The following OSBPL9 variants were observed in gnomAD, a reference collection of about 807,000 sequenced individuals.
The protein encoded by OSBPL9 is oxysterol binding protein like 9, also known as oxysterol-binding protein-related protein 9.
OSBPL9 carries 40 observed loss-of-function variants against 106.6 expected under a neutral mutation model. The observed-to-expected ratio is 0.38, with a 90% confidence interval of 0.29 to 0.49. The LOEUF (loss-of-function observed/expected upper bound fraction) is 0.49. OSBPL9 is among the 20% of genes least tolerant of loss of function. The pLI, the probability that OSBPL9 is intolerant of heterozygous loss-of-function variation, is 0.97. For missense variants in OSBPL9, 609 were observed against 887.2 expected, an observed-to-expected ratio of 0.69 and a Z score of 3.98; for synonymous variants, 269 against 295.4, an observed-to-expected ratio of 0.91 and a Z score of 0.92.
In OSBPL9 at chr1:51,731,159, A is replaced by G. The variant is rs371807242; in HGVS notation, c.319-14377A>G. Among the ~76,000 whole-genome samples the G allele has an allele frequency of 3.3e-5, 5 of 152,048 alleles. No homozygotes were observed. The East Asian group carries it at 5.8e-4, about 18-fold the overall frequency. ...TATGATTAAAAGTCAGATTTGGGCC[A>G]GTCGTGGTGGCTCAGACTGCAATCC... On this transcript the variant is annotated intron_variant, in intron 4 of 23. Transcript: ENST00000428468.
chr1:51,597,439 G>A (rs1019787466), intron 1 of OSBPL9, among the ~76,000 whole-genome samples: 20 of 150,338 alleles, frequency 1.3e-4, no homozygotes, highest in East Asian at 3.9e-4. Context: ...GTGTGTGTGT[G>A]TGTGTGTGTG....
rs1172231834 is a variant in OSBPL9, at chr1:51,583,844, A to G, written c.-423+6588A>G. On this transcript the variant is annotated intron_variant, in intron 1 of 25. Coordinates refer to the OSBPL9 transcript ENST00000371714. ...AAGTCTGAGTGTTGACAGAATTAAC[A>G]TTCACACACACACACACAAGCACAC... The G allele has an allele frequency of 2.0e-5, 3 of 152,118 alleles. No homozygotes were observed. In the East Asian group the frequency reaches 5.8e-4, roughly 29 times the overall value. The allele number at this position is 152,118 out of a possible 1,614,324, so 9.4% of individuals were successfully genotyped here.
In OSBPL9 at chr1:51,652,160, T is replaced by G. The variant is rs537303095; in HGVS notation, c.162+119T>G. On this transcript the variant is annotated intron_variant, in intron 2 of 23. Transcript: ENST00000428468. ...TTACATAATTGTTGGGGCAGGTATC[T>G]AAGTCTCAGAGAGAAAATGTGATTT... The G allele has an allele frequency of 2.5e-5, 17 of 691,264 alleles. No individual in the cohort carries two copies. In the South Asian group the frequency reaches 3.0e-4, roughly 12 times the overall value. 42.8% of individuals were successfully genotyped at this position (691,264 alleles called of 1,614,324 possible). A position where few individuals can be genotyped will look rare whatever the true frequency, so the allele number is the denominator to read the frequency against.
intron 3 of OSBPL9, among the ~76,000 whole-genome samples, chr1:51,678,668 A>C (rs893035108): frequency 8.5e-5 from 13 of 152,210 alleles, no homozygotes; most frequent in African/African-American, 3.1e-4. Context: ...CTCCAAAAAT[A>C]AATAAATAAA....
At chr1:51,557,710 C>T in the OSBPL9 span, among the ~76,000 whole-genome samples, 2 of 152,186 alleles carry the variant, frequency 1.3e-5, no homozygotes, top group African/African-American at 2.4e-5. Flanking sequence ...CAAGTCTCCT[C>T]GCTGAGTCCT....
intron 8 of OSBPL9, among the ~76,000 whole-genome samples, chr1:51,755,603 C>G (rs1468121627): frequency 6.6e-6 from 1 of 152,224 alleles, no homozygotes; most frequent in African/African-American, 2.4e-5. Context: ...CACGCGATCA[C>G]AAGGGTAGCC....
chr1:51,586,311 T>TA (rs1467959430), intron 1 of OSBPL9, among the ~76,000 whole-genome samples: 1 of 152,166 alleles, frequency 6.6e-6, no homozygotes, highest in East Asian at 1.9e-4. Flanking sequence ...ATTCTTTTTT[T>TA]ATGCACAAAT....
At chr1:51,588,889 A>G (rs1350062802) in intron 1 of OSBPL9, among the ~76,000 whole-genome samples, 1 of 152,160 alleles carries the variant, frequency 6.6e-6, no homozygotes, top group East Asian at 1.9e-4. Context: ...CTAGTTTCTG[A>G]AGCTATAGCA....
At position 51,621,007 on chromosome 1, in the gene OSBPL9, C is replaced by T. The variant is rs1644392957; in HGVS notation, c.111+3786C>T. Among the ~76,000 whole-genome samples the T allele has an allele frequency of 2.6e-5, 4 of 152,118 alleles. No homozygotes were observed. The South Asian group carries it at 6.2e-4, about 24-fold the overall frequency. ...CCTCCCAGAATGTTAGGATTACAGG[C>T]GTGAGCCCCTGTGCCCAGCCTATTA... is the stretch of plus-strand genomic sequence containing the variant. On this transcript the variant is annotated intron_variant, in intron 1 of 23. Coordinates refer to ENST00000428468, the MANE Select transcript of OSBPL9 (RefSeq NM_024586.6).
At chr1:51,724,104 G>A (rs369659796) in intron 4 of OSBPL9, among the ~76,000 whole-genome samples, 49 of 151,902 alleles carry the variant, frequency 3.2e-4, no homozygotes, top group Admixed American at 5.9e-4. Flanking sequence ...GCGCCACCAC[G>A]CCTGCTAATT....
At position 51,784,471 on chromosome 1, in the gene OSBPL9, TAGG is replaced by T. The variant is rs767344301; in HGVS notation, c.1724_1726del (p.Gly575del). 1 of 1,614,106 alleles carries T rather than the reference TAGG, an allele frequency of 6.2e-7. No individual in the cohort carries two copies. Among genetic ancestry groups the T allele is most frequent in the Non-Finnish European group, 8.5e-7 (1 of 1,179,956 alleles). On this transcript the variant is annotated inframe_deletion, in exon 20 of 24. Transcript: ENST00000428468. ...ATCCTCACAGTGCCCTGGGTGGAATTAGGAGGAGAATGCAATATTAATTGTTCC... is the reference window on the plus strand; with the variant it reads ...ATCCTCACAGTGCCCTGGGTGGAATTAGGAGAATGCAATATTAATTGTTCC...
At chr1:51,698,878 A>G (rs1426744442) in intron 3 of OSBPL9, among the ~76,000 whole-genome samples, 2 of 152,174 alleles carry the variant, frequency 1.3e-5, no homozygotes, top group African/African-American at 2.4e-5. Context: ...TATTTCTCAT[A>G]TGAACAATTT....
intron 12 of OSBPL9, among the ~76,000 whole-genome samples, chr1:51,770,525 G>T (rs983434581): frequency 2.0e-5 from 3 of 152,100 alleles, no homozygotes; most frequent in Non-Finnish European, 4.4e-5. Context: ...TGATCCTCTT[G>T]CCTTGGCCTC....
chr1:51,665,439 C>T (rs1310585739), intron 2 of OSBPL9, among the ~76,000 whole-genome samples: 1 of 152,136 alleles, frequency 6.6e-6, no homozygotes, highest in Non-Finnish European at 1.5e-5. Context: ...CCACTGCGCC[C>T]GGCCTGAGGG....
chr1:51,586,304 C>A (rs1645247218), intron 1 of OSBPL9, among the ~76,000 whole-genome samples: 1 of 151,808 alleles, frequency 6.6e-6, no homozygotes, highest in African/African-American at 2.4e-5. Context: ...TTCTTCTATT[C>A]TTTTTTTATG....
the OSBPL9 span, among the ~76,000 whole-genome samples, chr1:51,553,740 C>G: frequency 6.6e-6 from 1 of 151,846 alleles, no homozygotes; most frequent in East Asian, 1.9e-4. Flanking sequence ...AGTGCAATGG[C>G]GCATCTCGGC....
chr1:51,702,784 A>G (rs1243779293), intron 3 of OSBPL9, among the ~76,000 whole-genome samples: 4 of 152,198 alleles, frequency 2.6e-5, no homozygotes, highest in Non-Finnish European at 5.9e-5. Flanking sequence ...TAGGTCTAAC[A>G]TTTAAGTCTT....
At chr1:51,779,754 G>A (rs554124904) in intron 15 of OSBPL9, among the ~76,000 whole-genome samples, 1 of 152,140 alleles carries the variant, frequency 6.6e-6, no homozygotes, top group South Asian at 2.1e-4. Flanking sequence ...GACATGAATA[G>A]ACAATTATCA....
At chr1:51,518,904 C>T in the OSBPL9 span, among the ~76,000 whole-genome samples, 1 of 151,492 alleles carries the variant, frequency 6.6e-6, no homozygotes, top group African/African-American at 2.4e-5. Context: ...ACCGGCAGAG[C>T]GCGGCCGGGT....
Sources: allele counts gnomAD v4.1 joint callset (sites outside exome capture counted in the v4.1 genomes callset), GRCh38; gene constraint gnomAD v4.1.1; transcripts MANE v1.5; gene names NCBI Gene and HGNC (gene_info 2026-07-23, HGNC 2026-07-21).